The following ANKRD45 variants were observed in gnomAD, a reference collection of about 807,000 sequenced individuals.
ANKRD45 encodes the protein ankyrin repeat domain-containing protein 45.
Under a neutral mutation model 28.1 loss-of-function variants are expected in ANKRD45, and 21 were observed. The ratio of observed to expected loss-of-function variants is 0.75; its 90% CI spans 0.53 to 1.08. The LOEUF (loss-of-function observed/expected upper bound fraction) is 1.08. Ranked by LOEUF, ANKRD45 falls within the 50% of genes least tolerant of loss-of-function variation. The pLI is 0.00. For missense variants in ANKRD45, 261 were observed against 308.7 expected (o/e 0.85, Z 1.16); for synonymous variants, 86 against 103.9 (o/e 0.83, Z 1.05).
At chr1:173,611,795 T>C (rs1003619635) in intron 5 of ANKRD45, among the ~76,000 whole-genome samples, 1 of 151,978 alleles carries the variant, frequency 6.6e-6, no homozygotes, top group Non-Finnish European at 1.5e-5. Flanking sequence ...TTGAACTCAA[T>C]CCAAATAAAG....
At chr1:173,653,849 G>A (rs1248281187) in intron 2 of ANKRD45, among the ~76,000 whole-genome samples, 1 of 149,650 alleles carries the variant, frequency 6.7e-6, no homozygotes, top group Non-Finnish European at 1.5e-5. Flanking sequence ...TTACCATTAT[G>A]TAATAGCCTT....
At chr1:173,650,272 T>C (rs1006051659) in intron 2 of ANKRD45, among the ~76,000 whole-genome samples, 2 of 152,052 alleles carry the variant, frequency 1.3e-5, no homozygotes, top group Admixed American at 6.6e-5. Context: ...TGCCCTATAA[T>C]AGACCCCGGT....
chr1:173,643,760 T>A (rs1558133163), intron 3 of ANKRD45, among the ~76,000 whole-genome samples: 1 of 152,000 alleles, frequency 6.6e-6, no homozygotes, highest in African/African-American at 2.4e-5. Context: ...CCAGAAAAAA[T>A]ATATCTATAA....
the ANKRD45 span, among the ~76,000 whole-genome samples, chr1:173,698,163 T>TAAAGCAA: frequency 1.3e-5 from 2 of 152,182 alleles, no homozygotes; most frequent in African/African-American, 4.8e-5. Flanking sequence ...CCCAGATTCA[T>TAAAGCAA]AAAGCAAGTC....
the ANKRD45 span, among the ~76,000 whole-genome samples, chr1:173,707,927 C>G: frequency 6.6e-6 from 1 of 152,228 alleles, no homozygotes; most frequent in East Asian, 1.9e-4. Flanking sequence ...GCCTATTGCC[C>G]CACTGATTTG....
intron 2 of ANKRD45, 144 bp from the exon 3 acceptor site, chr1:173,647,157 C>T (rs1313932623): frequency 5.7e-6 from 4 of 706,020 alleles, no homozygotes; most frequent in South Asian, 6.8e-5. Context: ...ATATAGAAAA[C>T]TCATTTAGTT....
At chr1:173,713,354 T>C in the ANKRD45 span, among the ~76,000 whole-genome samples, 111 of 152,324 alleles carry the variant, frequency 7.3e-4, 2 homozygotes, top group East Asian at 0.016. Flanking sequence ...TCCTTAATTA[T>C]TCCTGGGCTT....
chr1:173,688,633 TTTCTGCCTCTTTC>T, the ANKRD45 span, among the ~76,000 whole-genome samples: 6 of 126,096 alleles, frequency 4.8e-5, no homozygotes, highest in African/African-American at 1.7e-4. Context: ...CCTCTTCCTC[TTTCTGCCTCTTTC>T]CTCTCTCTCT....
chr1:173,673,605 C>G (rs1670327289), upstream of ANKRD45, among the ~76,000 whole-genome samples: 2 of 149,312 alleles, frequency 1.3e-5, no homozygotes, highest in Non-Finnish European at 2.9e-5. Context: ...CTTATAGCAA[C>G]TCTATAAGTT....
At chr1:173,695,550 G>C in the ANKRD45 span, among the ~76,000 whole-genome samples, 1 of 152,134 alleles carries the variant, frequency 6.6e-6, no homozygotes, top group African/African-American at 2.4e-5. Flanking sequence ...TTCTTATGGT[G>C]CCATAGTATT....
At chr1:173,628,729 G>A (rs986331751) in intron 3 of ANKRD45, among the ~76,000 whole-genome samples, 6 of 152,132 alleles carry the variant, frequency 3.9e-5, no homozygotes, top group Non-Finnish European at 7.4e-5. Flanking sequence ...ACGGAAGGAC[G>A]CATGCCTGGC....
At chr1:173,682,931 T>C in the ANKRD45 span, among the ~76,000 whole-genome samples, 47 of 142,720 alleles carry the variant, frequency 3.3e-4, no homozygotes, top group African/African-American at 1.4e-3. Flanking sequence ...ATAAAAAATC[T>C]TGCCTCTCTC....
chr1:173,638,320 T>G (rs1668546592), intron 3 of ANKRD45, among the ~76,000 whole-genome samples: 1 of 152,126 alleles, frequency 6.6e-6, no homozygotes, highest in South Asian at 2.1e-4. Context: ...TCTGGGGGAT[T>G]GAGCCTTGCC....
chr1:173,695,663 T>C, the ANKRD45 span, among the ~76,000 whole-genome samples: 1 of 152,212 alleles, frequency 6.6e-6, no homozygotes, highest in Non-Finnish European at 1.5e-5. Context: ...GCGATAAGCA[T>C]ATGAGTGTGT....
chr1:173,646,956 A>G lies in ANKRD45; in HGVS notation c.386T>C (p.Leu129Pro), dbSNP rs1462980892. The G allele has an allele frequency of 6.2e-7, 1 of 1,613,992 alleles. No homozygotes were observed. The highest frequency in any genetic ancestry group is 1.1e-5 in the South Asian group (1 of 91,068). The change falls in exon 3 of 6, where the codon CTG becomes CCG. Residue 129 changes from leucine (L) to proline (P), a missense_variant. Transcript: ENST00000333279. The stretch of plus-strand genomic sequence containing the variant: ...TTCTATATCAACATCCAGTTCTACC[A>G]GTGCTTTCAAAGTTTCCAAACGACC... ...AWGRLETLKA[L>P]VELDVDIEAL...
intron 5 of ANKRD45, among the ~76,000 whole-genome samples, chr1:173,613,709 G>C (rs1255607783): frequency 3.9e-5 from 6 of 151,988 alleles, no homozygotes; most frequent in African/African-American, 1.5e-4. Context: ...CCTCTGCCCG[G>C]CCGCCCCTTC....
chr1:173,650,688 T>C (rs1455631041), intron 2 of ANKRD45, among the ~76,000 whole-genome samples: 1 of 152,212 alleles, frequency 6.6e-6, no homozygotes, highest in Non-Finnish European at 1.5e-5. Flanking sequence ...TCCACAATGG[T>C]TGAACTACTT....
chr1:173,621,647 G>T (rs1456681618), intron 5 of ANKRD45, among the ~76,000 whole-genome samples: 1 of 152,020 alleles, frequency 6.6e-6, no homozygotes. Flanking sequence ...AGTATTGAAG[G>T]AACATACCTC....
At chr1:173,643,856 C>T (rs916075381) in intron 3 of ANKRD45, among the ~76,000 whole-genome samples, 3 of 152,064 alleles carry the variant, frequency 2.0e-5, no homozygotes, top group Admixed American at 6.6e-5. Context: ...TTATAAGTAA[C>T]GGAAAAGAAT....
Sources: gnomAD v4.1 joint callset for allele counts (sites outside exome capture counted in the v4.1 genomes callset) on GRCh38, gnomAD v4.1.1 for gene constraint, MANE v1.5 for transcripts, NCBI Gene and HGNC (gene_info 2026-07-23, HGNC 2026-07-21) for gene names.